Variants in HNRNPLL observed in about 807,000 individuals in gnomAD.
HNRNPLL encodes the protein heterogeneous nuclear ribonucleoprotein L-like.
In HNRNPLL, 25 loss-of-function variants were observed where a neutral mutation model predicts 67.1. The ratio of observed to expected loss-of-function variants is 0.37; its 90% confidence interval spans 0.27 to 0.52. The LOEUF (loss-of-function observed/expected upper bound fraction) is 0.52. HNRNPLL is among the 20% of genes least tolerant of loss of function. HNRNPLL has a pLI of 0.90. For missense variants in HNRNPLL, 542 were observed against 673.9 expected (o/e 0.80, Z 2.17); for synonymous variants, 267 against 241.7 (o/e 1.10, Z -0.97).
At position 38,602,630 on chromosome 2, in the gene HNRNPLL, G is replaced by T. The variant is rs756790829; in HGVS notation, c.-4C>A. ...GGGAGGAAGAGGAGGAGGACATGGC[G>T]GCGGCCGGAGGGACCGGCTGGCAGG... On this transcript the variant is annotated 5_prime_UTR_variant, in exon 1 of 13. Coordinates refer to ENST00000449105, the MANE Select transcript of HNRNPLL (RefSeq NM_138394.4). 4 of 1,510,974 alleles carry T rather than the reference G, an allele frequency of 2.6e-6. No homozygotes were observed. The highest frequency in any genetic ancestry group is 3.5e-6 in the Non-Finnish European group (4 of 1,133,920). 93.6% of individuals were successfully genotyped at this position (1,510,974 alleles called of 1,614,324 possible).
At chr2:38,591,258 A>G in intron 2 of HNRNPLL, among the ~76,000 whole-genome samples, 1 of 147,374 alleles carries the variant, frequency 6.8e-6, no homozygotes, top group African/African-American at 2.7e-5. Context: ...TGAAAATCAG[A>G]TGAAAAGCAC....
chr2:38,578,883 G>A (rs1051083591), intron 6 of HNRNPLL, among the ~76,000 whole-genome samples: 2 of 151,792 alleles, frequency 1.3e-5, no homozygotes, highest in African/African-American at 4.8e-5. Context: ...CTGTCCCCCC[G>A]ACCCCATTTC....
chr2:38,600,630 G>A (rs1285318170), intron 1 of HNRNPLL, among the ~76,000 whole-genome samples: 1 of 152,056 alleles, frequency 6.6e-6, no homozygotes, highest in African/African-American at 2.4e-5. Context: ...CAACCCGGGA[G>A]GCTGAGGTAG....
chr2:38,600,136 A>G (rs1667365574), intron 1 of HNRNPLL: 1 of 219,948 alleles, frequency 4.5e-6, no homozygotes, highest in Admixed American at 5.7e-5. Context: ...AAAAATATTT[A>G]AAAACAAGAT....
intron 6 of HNRNPLL, chr2:38,580,929 T>G (rs1483982570): frequency 6.6e-6 from 1 of 152,222 alleles, no homozygotes; most frequent in African/African-American, 2.4e-5. Flanking sequence ...TGACAACTTA[T>G]AAACAGCCAC....
chr2:38,568,479 C>A, intron 10 of HNRNPLL, 36 bp from the exon 11 acceptor site: 1 of 1,370,406 alleles, frequency 7.3e-7, no homozygotes, highest in South Asian at 1.3e-5. Flanking sequence ...AAAAATATAG[C>A]CAAAATAATA....
Position 38,602,713 on chromosome 2 carries a change from C to T in HNRNPLL, c.-87G>A. On this transcript the variant is annotated 5_prime_UTR_variant, in exon 1 of 13. Transcript: ENST00000449105. ...GATGCCGCCGGCCAGTCCTCGCCGC[C>T]GGCAGCGCCTCTTCTGCGAGGGTCT... 2.8e-6 allele frequency: 4 copies of T among 1,432,266 alleles called. No homozygotes were observed. In the African/African-American group the frequency reaches 4.5e-5, roughly 16 times the overall value. 88.7% of individuals were successfully genotyped at this position (1,432,266 alleles called of 1,614,324 possible). A position where few individuals can be genotyped will look rare whatever the true frequency, so the allele number is the denominator to read the frequency against.
At chr2:38,581,172 T>C (rs567263850) in intron 6 of HNRNPLL, 1 of 152,352 alleles carries the variant, frequency 6.6e-6, no homozygotes, top group South Asian at 2.1e-4. Flanking sequence ...TATTTGCCAA[T>C]TAACAATTTG....
intron 1 of HNRNPLL, 109 bp from the exon 2 acceptor site, chr2:38,591,757 T>C (rs1318192781): frequency 3.3e-6 from 2 of 609,322 alleles, no homozygotes; most frequent in African/African-American, 1.9e-5. Flanking sequence ...GGGAGGGTCA[T>C]TTGAGGTCAG....
chr2:38,564,758 T>A (rs948629835), intron 12 of HNRNPLL, among the ~76,000 whole-genome samples: 1 of 152,008 alleles, frequency 6.6e-6, no homozygotes. Context: ...TGTCTGGCAC[T>A]CAATTTTTTT....
At chr2:38,577,353 G>A (rs1666338416) in intron 7 of HNRNPLL, 108 bp downstream of exon 7, 18 of 738,826 alleles carry the variant, frequency 2.4e-5, no homozygotes, top group Middle Eastern at 4.8e-4. Flanking sequence ...CATATAAACC[G>A]AGGCAGATAC....
In HNRNPLL at chr2:38,602,578, C is replaced by G; in HGVS notation, c.49G>C (p.Glu17Gln). 6.4e-7 allele frequency: 1 copy of G among 1,573,756 alleles called. No homozygotes were observed. The highest frequency in any genetic ancestry group is 8.6e-7 in the Non-Finnish European group (1 of 1,161,628). ...AGACGCTTGGCCTGGCTCTCGTACT[C>G]CCGGTCCTCCTCGTACGTCTCCCTG... ...SPRETYEEDREYESQAKRLKT... is the reference protein window; with the variant it reads ...SPRETYEEDRQYESQAKRLKT... Residue 17 changes from glutamate to glutamine, a missense_variant, in exon 1 of 13, where the codon GAG becomes CAG. By Grantham distance (29) the Glu-to-Gln change is conservative. Around this residue, in one of 2 missense-constraint regions of HNRNPLL, gnomAD observed 127 missense variants for 98.7 expected, o/e 1.29. Coordinates refer to ENST00000449105, the MANE Select transcript of HNRNPLL (RefSeq NM_138394.4).
intron 2 of HNRNPLL, among the ~76,000 whole-genome samples, chr2:38,588,934 G>T (rs1279111364): frequency 6.6e-6 from 1 of 152,066 alleles, no homozygotes; most frequent in Non-Finnish European, 1.5e-5. Flanking sequence ...GGACATGGTA[G>T]GATCAATGCT....
chr2:38,598,204 G>C (rs1432023306), intron 1 of HNRNPLL, among the ~76,000 whole-genome samples: 1 of 152,088 alleles, frequency 6.6e-6, no homozygotes, highest in Non-Finnish European at 1.5e-5. Context: ...TTAATTAGAC[G>C]GGGGAAGAGG....
At chr2:38,581,634 G>T in intron 6 of HNRNPLL, 1 of 504,638 alleles carries the variant, frequency 2.0e-6, no homozygotes, top group Non-Finnish European at 3.5e-6. Flanking sequence ...CTCCTCCAAA[G>T]AGAGAGAGCT....
At chr2:38,567,836 T>C in intron 12 of HNRNPLL, among the ~76,000 whole-genome samples, 1 of 152,094 alleles carries the variant, frequency 6.6e-6, no homozygotes, top group East Asian at 1.9e-4. Context: ...ACCATATGAG[T>C]GCGCCTGGGG....
chr2:38,588,315 G>A (rs965107094), intron 2 of HNRNPLL, among the ~76,000 whole-genome samples: 9 of 151,482 alleles, frequency 5.9e-5, no homozygotes, highest in Admixed American at 2.0e-4. Context: ...TTTGGGAGGC[G>A]GAGGTGGGTG....
chr2:38,595,700 C>T (rs191304782), intron 1 of HNRNPLL, among the ~76,000 whole-genome samples: 219 of 152,038 alleles, frequency 1.4e-3, no homozygotes, highest in African/African-American at 5.0e-3. Context: ...AAAAATTAGC[C>T]GGGCGTGGTG....
At chr2:38,573,551 C>A in intron 7 of HNRNPLL, 124 bp from the exon 8 acceptor site, 3 of 650,722 alleles carry the variant, frequency 4.6e-6, no homozygotes, top group Non-Finnish European at 2.6e-6. Flanking sequence ...GTTTGATGTA[C>A]AAAGAAAACT....
Sources: allele counts gnomAD v4.1 joint callset (sites outside exome capture counted in the v4.1 genomes callset), GRCh38; gene constraint gnomAD v4.1.1; regional missense constraint gnomAD v4.1.1; transcripts MANE v1.5; gene names NCBI Gene and HGNC (gene_info 2026-07-23, HGNC 2026-07-21).